PRKACB: variants seen among roughly 807,000 people sequenced by gnomAD.
The protein encoded by PRKACB is cAMP-dependent protein kinase catalytic subunit beta.
In PRKACB, 16 loss-of-function variants were observed where a neutral mutation model predicts 51.4. The ratio of observed to expected loss-of-function variants is 0.31; its 90% CI spans 0.21 to 0.47. PRKACB has a LOEUF of 0.47. Among genes scored for constraint, PRKACB ranks in the 20% least tolerant of loss-of-function variants. The pLI, the probability that PRKACB is intolerant of heterozygous loss-of-function variation, is 1.00. For missense variants in PRKACB, 309 were observed against 464.5 expected, an observed-to-expected ratio of 0.67 and a Z score of 3.08; for synonymous variants, 147 against 154.4, an observed-to-expected ratio of 0.95 and a Z score of 0.35.
At chr1:84,167,741 C>T (rs903548573) in intron 1 of PRKACB, among the ~76,000 whole-genome samples, 4 of 151,402 alleles carry the variant, frequency 2.6e-5, no homozygotes, top group Admixed American at 6.6e-5. Flanking sequence ...TGAACAGTTC[C>T]CTTACATTGC....
intron 1 of PRKACB, among the ~76,000 whole-genome samples, chr1:84,153,904 A>G (rs1558034668): frequency 6.6e-6 from 1 of 152,116 alleles, no homozygotes; most frequent in Non-Finnish European, 1.5e-5. Flanking sequence ...TAGAAGCTGG[A>G]TCATATGATA....
intron 1 of PRKACB, among the ~76,000 whole-genome samples, chr1:84,097,123 T>G (rs924016171): frequency 1.3e-5 from 2 of 152,076 alleles, no homozygotes; most frequent in Admixed American, 1.3e-4. Flanking sequence ...ACACAATTTA[T>G]TTTTTCTTTC....
rs1180746083 is a variant in PRKACB, at chr1:84,184,570, AAAATTGTACCACATTTATTATTT to A, written c.477+442_477+464del. ...TTTGTTCCACTATTCAAATGTCTGA[AAAATTGTACCACATTTATTATTT>A]AAATTGGTCACTTTTGAGCTCTTTG... On this transcript the variant is annotated intron_variant, in intron 4 of 9. Transcript: ENST00000370685. 2.0e-5 allele frequency among the ~76,000 whole-genome samples: 3 copies of A among 151,998 alleles called. No individual in the cohort carries two copies. The East Asian group carries it at 5.8e-4, about 29-fold the overall frequency.
Position 84,204,492 on chromosome 1 carries a change from A to G in PRKACB, c.906+1687A>G, listed in dbSNP as rs753097330. On this transcript the variant is annotated intron_variant, in intron 8 of 9. Transcript: ENST00000370685. The stretch of plus-strand genomic sequence containing the variant: ...GTTTTCTCCCAGCAGAACTTTTGAT[A>G]TGAACAAAACAAAACTTTGAGAAAA... 9 of 1,599,246 alleles carry G rather than the reference A, an allele frequency of 5.6e-6. No homozygotes were observed. In the Admixed American group the frequency reaches 1.3e-4, roughly 24 times the overall value.
intron 7 of PRKACB, among the ~76,000 whole-genome samples, chr1:84,198,610 T>C (rs1285558574): frequency 6.6e-6 from 1 of 152,068 alleles, no homozygotes; most frequent in African/African-American, 2.4e-5. Context: ...ATAATCTAAA[T>C]ATCATTGTAG....
intron 1 of PRKACB, among the ~76,000 whole-genome samples, chr1:84,084,921 T>G (rs1259330430): frequency 6.6e-6 from 1 of 152,150 alleles, no homozygotes; most frequent in Admixed American, 6.5e-5. Flanking sequence ...AAAATGCCCT[T>G]GGATGGTCAA....
chr1:84,120,223 TAA>T (rs1266745498), intron 1 of PRKACB, among the ~76,000 whole-genome samples: 1 of 152,066 alleles, frequency 6.6e-6, no homozygotes, highest in Non-Finnish European at 1.5e-5. Flanking sequence ...TCTCAACTGT[TAA>T]AGAGTCCAAA....
chr1:84,173,812 T>A (rs1043417100), intron 1 of PRKACB, among the ~76,000 whole-genome samples: 6 of 151,880 alleles, frequency 4.0e-5, no homozygotes, highest in African/African-American at 1.4e-4. Flanking sequence ...CAGTAACAAA[T>A]TTTTAAACTG....
chr1:84,087,737 T>G (rs1648127628), intron 1 of PRKACB, among the ~76,000 whole-genome samples: 1 of 152,078 alleles, frequency 6.6e-6, no homozygotes, highest in African/African-American at 2.4e-5. Context: ...TCCAAAAGAA[T>G]CATCAGTATT....
intron 1 of PRKACB, among the ~76,000 whole-genome samples, chr1:84,108,945 T>G (rs1010591652): frequency 6.6e-6 from 1 of 152,074 alleles, no homozygotes; most frequent in African/African-American, 2.4e-5. Context: ...CTCTCTACTT[T>G]GACAGGATTG....
chr1:84,166,756 G>A (rs1657610667), intron 1 of PRKACB, among the ~76,000 whole-genome samples: 1 of 151,616 alleles, frequency 6.6e-6, no homozygotes, highest in African/African-American at 2.4e-5. Flanking sequence ...TGTGTACATG[G>A]TACTTTTCTC....
intron 1 of PRKACB, among the ~76,000 whole-genome samples, chr1:84,153,859 T>G (rs544696348): frequency 2.3e-3 from 346 of 152,272 alleles, no homozygotes; most frequent in African/African-American, 8.1e-3. Flanking sequence ...TAGATATCTC[T>G]TAGACATACT....
intron 1 of PRKACB, among the ~76,000 whole-genome samples, chr1:84,153,374 C>T (rs1383689613): frequency 6.6e-6 from 1 of 152,058 alleles, no homozygotes; most frequent in Non-Finnish European, 1.5e-5. Context: ...TTGCCCCAAC[C>T]CTCAATTTGT....
intron 1 of PRKACB, among the ~76,000 whole-genome samples, chr1:84,124,077 A>G (rs567596088): frequency 2.6e-5 from 4 of 152,294 alleles, no homozygotes; most frequent in South Asian, 2.1e-4. Context: ...TAAAAAAGCT[A>G]TGGTATCTTG....
chr1:84,205,819 G>C (rs1034925855), intron 8 of PRKACB, among the ~76,000 whole-genome samples: 2 of 152,016 alleles, frequency 1.3e-5, no homozygotes, highest in African/African-American at 2.4e-5. Flanking sequence ...AAAAAACAGA[G>C]GAGGTGGTAT....
chr1:84,230,975 G>A (rs1239764319), intron 9 of PRKACB, among the ~76,000 whole-genome samples: 1 of 142,946 alleles, frequency 7.0e-6, no homozygotes, highest in African/African-American at 2.7e-5. Context: ...TGTTGAATAG[G>A]AGTGGTGAGA....
chr1:84,089,882 C>A (rs1223977380), intron 1 of PRKACB, among the ~76,000 whole-genome samples: 1 of 152,068 alleles, frequency 6.6e-6, no homozygotes, highest in Non-Finnish European at 1.5e-5. Context: ...ATCCATCAGT[C>A]CTCTCACTTT....
chr1:84,163,859 A>G (rs1311083906), intron 1 of PRKACB, among the ~76,000 whole-genome samples: 2 of 152,046 alleles, frequency 1.3e-5, no homozygotes, highest in Non-Finnish European at 2.9e-5. Flanking sequence ...CTACTTAACA[A>G]GGAACCATTC....
intron 9 of PRKACB, among the ~76,000 whole-genome samples, chr1:84,232,614 T>C (rs958328217): frequency 5.3e-5 from 8 of 152,216 alleles, no homozygotes; most frequent in Non-Finnish European, 8.8e-5. Context: ...GGTGCATATA[T>C]ATTTAGGATA....
Sources: allele counts gnomAD v4.1 joint callset (sites outside exome capture counted in the v4.1 genomes callset), GRCh38; gene constraint gnomAD v4.1.1; transcripts MANE v1.5; gene names NCBI Gene and HGNC (gene_info 2026-07-23, HGNC 2026-07-21).